The following CIMAP1D variants were observed in gnomAD, a reference collection of about 807,000 sequenced individuals.
CIMAP1D encodes CIMAP1 family member D, also known as protein CIMAP1D.
the CIMAP1D span, among the ~76,000 whole-genome samples, chr19:486,044 C>T: frequency 1.3e-5 from 2 of 152,234 alleles, no homozygotes; most frequent in African/African-American, 4.8e-5. Context: ...CCTGCCAGCT[C>T]CCCTCCATCC....
the CIMAP1D span, chr19:489,092 G>C: frequency 6.6e-6 from 1 of 152,180 alleles, no homozygotes; most frequent in African/African-American, 2.4e-5. Flanking sequence ...CGGGAGTTGT[G>C]GTTCAGCTGC....
chr19:468,973 C>T, the CIMAP1D span, among the ~76,000 whole-genome samples: 5 of 151,620 alleles, frequency 3.3e-5, no homozygotes, highest in African/African-American at 4.8e-5. Flanking sequence ...TTGCCCTCCC[C>T]TGAGGAGTCC....
chr19:464,125 C>G, the CIMAP1D span: 245 of 1,411,548 alleles, frequency 1.7e-4, no homozygotes, highest in Non-Finnish European at 2.2e-4. Flanking sequence ...TCAGCAGGAT[C>G]CTGCGGGGGG....
the CIMAP1D span, among the ~76,000 whole-genome samples, chr19:484,013 C>T: frequency 6.6e-6 from 1 of 152,208 alleles, no homozygotes; most frequent in Non-Finnish European, 1.5e-5. Context: ...GGCAACGTTC[C>T]ATCCCATGAA....
At chr19:478,724 C>T in the CIMAP1D span, among the ~76,000 whole-genome samples, 24 of 152,396 alleles carry the variant, frequency 1.6e-4, 1 homozygote, top group South Asian at 3.3e-3. Flanking sequence ...GAGGCTGGAC[C>T]GGATGAGAGG....
the CIMAP1D span, among the ~76,000 whole-genome samples, chr19:485,375 A>G: frequency 6.6e-6 from 1 of 152,218 alleles, no homozygotes; most frequent in Non-Finnish European, 1.5e-5. Flanking sequence ...TGCCCAGAAC[A>G]GGTGCGCAGT....
the CIMAP1D span, chr19:490,224 C>T: frequency 0.037 from 11,275 of 305,082 alleles, 624 homozygotes; most frequent in East Asian, 0.21. Flanking sequence ...GGCGTGGTGG[C>T]GCATGCCTGT....
At chr19:487,737 C>A in the CIMAP1D span, among the ~76,000 whole-genome samples, 9 of 138,836 alleles carry the variant, frequency 6.5e-5, no homozygotes. Context: ...GCCTGGCCAA[C>A]ATGGTGAAAC....
At chr19:463,903 T>C in the CIMAP1D span, 1 of 1,611,362 alleles carries the variant, frequency 6.2e-7, no homozygotes, top group Non-Finnish European at 8.5e-7. Flanking sequence ...GTGGCGGCCA[T>C]GGTGCTGGCC....
chr19:491,175 G>A, the CIMAP1D span, among the ~76,000 whole-genome samples: 1 of 152,078 alleles, frequency 6.6e-6, no homozygotes, highest in Non-Finnish European at 1.5e-5. Context: ...TACTCAGGAG[G>A]CTCAGGCGGG....
At chr19:473,517 A>T in the CIMAP1D span, among the ~76,000 whole-genome samples, 9,260 of 11,284 alleles carry the variant, frequency 0.82, 3,842 homozygotes, top group African/African-American at 0.91. Flanking sequence ...CAGGCAGAGA[A>T]ACACGGTCAC....
At chr19:475,550 C>T in the CIMAP1D span, among the ~76,000 whole-genome samples, 1 of 152,080 alleles carries the variant, frequency 6.6e-6, no homozygotes, top group Non-Finnish European at 1.5e-5. Flanking sequence ...GGTGAGGAGG[C>T]AGCCGTGCAG....
At chr19:466,820 A>G in the CIMAP1D span, among the ~76,000 whole-genome samples, 4 of 44,414 alleles carry the variant, frequency 9.0e-5, no homozygotes, top group African/African-American at 9.5e-5. Flanking sequence ...TGGTGGAAGG[A>G]TGGGTGGATA....
At chr19:476,798 C>T in the CIMAP1D span, among the ~76,000 whole-genome samples, 1 of 152,082 alleles carries the variant, frequency 6.6e-6, no homozygotes, top group Non-Finnish European at 1.5e-5. Context: ...GAAGTCATCA[C>T]AAAGGAAGTT....
At chr19:468,865 G>GCCACAGGC in the CIMAP1D span, among the ~76,000 whole-genome samples, 2 of 46,914 alleles carry the variant, frequency 4.3e-5, no homozygotes, top group South Asian at 4.9e-4. Flanking sequence ...AGACCTCCCC[G>GCCACAGGC]AAACATCATC....
the CIMAP1D span, among the ~76,000 whole-genome samples, chr19:465,914 G>T: frequency 6.8e-6 from 1 of 147,282 alleles, no homozygotes; most frequent in South Asian, 2.2e-4. Context: ...GTGGATAGAT[G>T]GATGAGTGGA....
chr19:464,345 G>T, the CIMAP1D span: 12 of 1,542,474 alleles, frequency 7.8e-6, no homozygotes, highest in Non-Finnish European at 7.9e-6. Context: ...AGGCCCCAGG[G>T]CCTGGCGTCA....
At chr19:490,365 AGAAAG>A in the CIMAP1D span, 1 of 174,852 alleles carries the variant, frequency 5.7e-6, no homozygotes, top group South Asian at 2.3e-4. Context: ...TAAAAAAAAA[AGAAAG>A]AAAGAAACGT....
At chr19:468,540 C>A in the CIMAP1D span, among the ~76,000 whole-genome samples, 1 of 152,180 alleles carries the variant, frequency 6.6e-6, no homozygotes, top group Admixed American at 6.5e-5. Context: ...TATCCTAAGC[C>A]TATTTTCCTC....
Sources: gnomAD v4.1 joint callset for allele counts (sites outside exome capture counted in the v4.1 genomes callset) on GRCh38, gnomAD v4.1.1 for gene constraint, MANE v1.5 for transcripts, NCBI Gene and HGNC (gene_info 2026-07-23, HGNC 2026-07-21) for gene names.